TPH2: variants seen among roughly 807,000 people sequenced by gnomAD.
The protein encoded by TPH2 is tryptophan 5-hydroxylase 2.
A neutral mutation model predicts 59.1 loss-of-function variants in TPH2; 27 were observed. The ratio of observed to expected loss-of-function variants is 0.46; its 90% CI spans 0.34 to 0.63. TPH2 has a LOEUF of 0.63. Ranked by LOEUF, TPH2 falls within the 30% of genes least tolerant of loss-of-function variation. TPH2 has a pLI of 0.01. For missense variants in TPH2, 523 were observed against 588.3 expected, an observed-to-expected ratio of 0.89 and a Z score of 1.15; for synonymous variants, 220 against 210.5, an observed-to-expected ratio of 1.05 and a Z score of -0.39.
intron 8 of TPH2, among the ~76,000 whole-genome samples, chr12:71,996,245 C>T (rs7967686): frequency 0.52 from 79,297 of 152,102 alleles, 21,212 homozygotes; most frequent in Middle Eastern, 0.59. Context: ...CCACTGGCTT[C>T]CTCCACAAGT....
At position 71,978,956 on chromosome 12, in the gene TPH2, G is replaced by T; in HGVS notation, c.810G>T (p.Arg270Ser). ...CTTTTTCTGTTGCCTTTTTAGAAAG[G>T]TCTGGCTTCACGGTGAGGCCGGTGG... is the stretch of plus-strand genomic sequence containing the variant. ...LEDVSMFLKE[R>S]SGFTVRPVAG... is the part of the protein sequence containing the mutation. Residue 270 changes from arginine (R) to serine (S), a missense_variant, in exon 7 of 11, where the codon AGG (arginine) becomes AGT (serine). Physicochemically the swap from Arg to Ser is moderately radical, Grantham distance 110. Transcript: ENST00000333850. The T allele has an allele frequency of 9.9e-6, 16 of 1,614,108 alleles. No individual in the cohort carries two copies. The highest frequency in any genetic ancestry group is 1.4e-5 in the Non-Finnish European group (16 of 1,180,008).
chr12:72,008,242 A>G (rs1409249035), intron 8 of TPH2, among the ~76,000 whole-genome samples: 1 of 152,218 alleles, frequency 6.6e-6, no homozygotes, highest in South Asian at 2.1e-4. Flanking sequence ...TACTGGTAGA[A>G]TAGATGTTAA....
chr12:72,031,432 T>A lies in TPH2; in HGVS notation c.1298+41T>A, dbSNP rs751860637. The A allele has an allele frequency of 3.7e-6, 6 of 1,613,174 alleles. No homozygotes were observed. In the South Asian group the frequency reaches 4.4e-5, roughly 12 times the overall value. On this transcript the variant is annotated intron_variant, in intron 10 of 10. Transcript: ENST00000333850. ...CTCCTAGCTAGAGAAAATAACTTTT[T>A]ATTTTTCTGTCTCTATTCCTTCCTT... is the stretch of plus-strand genomic sequence containing the variant.
intron 5 of TPH2, chr12:71,964,834 T>A: frequency 1.5e-6 from 1 of 680,858 alleles, no homozygotes; most frequent in Non-Finnish European, 1.8e-6. Flanking sequence ...GTTTGTTACA[T>A]AGGTAAACAC....
intron 5 of TPH2, among the ~76,000 whole-genome samples, chr12:71,959,322 C>T (rs1871610126): frequency 6.6e-6 from 1 of 152,136 alleles, no homozygotes; most frequent in African/African-American, 2.4e-5. Context: ...AAGAAAGAGA[C>T]AGATGATCAG....
chr12:71,969,912 A>C (rs1229151224), intron 5 of TPH2, among the ~76,000 whole-genome samples: 1 of 152,328 alleles, frequency 6.6e-6, no homozygotes, highest in South Asian at 2.1e-4. Flanking sequence ...AGATAATAAC[A>C]GTATCTACCT....
At chr12:72,026,592 G>A (rs1032999038) in intron 9 of TPH2, among the ~76,000 whole-genome samples, 3 of 152,114 alleles carry the variant, frequency 2.0e-5, no homozygotes, top group African/African-American at 7.2e-5. Context: ...GAGCTCTCAC[G>A]TTTACCCTGT....
At chr12:72,020,782 C>T (rs74390290) in intron 8 of TPH2, among the ~76,000 whole-genome samples, 7 of 152,054 alleles carry the variant, frequency 4.6e-5, no homozygotes, top group East Asian at 1.9e-4. Context: ...TCACCACGCC[C>T]AGTCTAGGGC....
At position 71,978,974 on chromosome 12, in the gene TPH2, G is replaced by T. The variant is rs773797105; in HGVS notation, c.828G>T (p.Arg276Ser). 25 of 1,614,050 alleles carry T rather than the reference G, an allele frequency of 1.5e-5. No individual in the cohort carries two copies. Among genetic ancestry groups the T allele is most frequent in the Non-Finnish European group, 1.9e-5 (23 of 1,180,014 alleles). ...TAGAAAGGTCTGGCTTCACGGTGAG[G>T]CCGGTGGCTGGATACCTGAGCCCAC... is the stretch of plus-strand genomic sequence containing the variant. ...FLKERSGFTV[R>S]PVAGYLSPRD... Residue 276 changes from arginine (R) to serine (S), a missense_variant, in exon 7 of 11, where the codon AGG becomes AGT. Coordinates refer to ENST00000333850, the MANE Select transcript of TPH2 (RefSeq NM_173353.4).
intron 4 of TPH2, 48 bp from the exon 5 acceptor site, chr12:71,949,540 C>G: frequency 6.6e-7 from 1 of 1,517,952 alleles, no homozygotes; most frequent in Non-Finnish European, 9.1e-7. Context: ...TCTTCTGCAG[C>G]TAATTTTCAG....
At chr12:71,943,493 C>T (rs902950291) in intron 2 of TPH2, among the ~76,000 whole-genome samples, 1 of 152,240 alleles carries the variant, frequency 6.6e-6, no homozygotes, top group East Asian at 1.9e-4. Flanking sequence ...AATCACTGCC[C>T]TTATCTCTGA....
chr12:71,971,656 G>C (rs548946548), intron 5 of TPH2, among the ~76,000 whole-genome samples: 73 of 152,260 alleles, frequency 4.8e-4, no homozygotes, highest in African/African-American at 1.7e-3. Context: ...AACTCAAGTT[G>C]TGCCTCCTCC....
chr12:71,988,188 T>C (rs1488514135), intron 7 of TPH2, among the ~76,000 whole-genome samples: 2 of 152,122 alleles, frequency 1.3e-5, no homozygotes, highest in Non-Finnish European at 2.9e-5. Flanking sequence ...GGTATATGCT[T>C]TGGACTGTTG....
At position 71,978,988 on chromosome 12, in the gene TPH2, A is replaced by G. The variant is rs1872196172; in HGVS notation, c.842A>G (p.Tyr281Cys). ...TTCACGGTGAGGCCGGTGGCTGGAT[A>G]CCTGAGCCCACGAGACTTTCTGGCA... ...SGFTVRPVAG[Y>C]LSPRDFLAGL... Residue 281 changes from tyrosine to cysteine, a missense_variant, in exon 7 of 11, where the codon TAC (tyrosine) becomes TGC (cysteine). Physicochemically the swap from Tyr to Cys is radical, Grantham distance 194. Coordinates refer to ENST00000333850, the MANE Select transcript of TPH2 (RefSeq NM_173353.4). 6.2e-7 allele frequency: 1 copy of G among 1,613,944 alleles called. No homozygotes were observed. The highest frequency in any genetic ancestry group is 1.3e-5 in the African/African-American group (1 of 74,854).
chr12:72,032,174 G>T lies in TPH2; in HGVS notation c.*479G>T. 1 of 174,726 alleles carries T rather than the reference G, an allele frequency of 5.7e-6. No individual in the cohort carries two copies. Among genetic ancestry groups the T allele is most frequent in the Non-Finnish European group, 1.2e-5 (1 of 80,830 alleles). 10.8% of individuals were successfully genotyped at this position (174,726 alleles called of 1,614,324 possible). ...GGAAACTTCCCATCACAATAACAAAGGTTCAATATTCTATTTCAAAAATTG... is the reference window on the plus strand; with the variant it reads ...GGAAACTTCCCATCACAATAACAAATGTTCAATATTCTATTTCAAAAATTG... On this transcript the variant is annotated 3_prime_UTR_variant, in exon 11 of 11. Coordinates refer to ENST00000333850, the MANE Select transcript of TPH2 (RefSeq NM_173353.4).
intron 7 of TPH2, among the ~76,000 whole-genome samples, chr12:71,985,288 A>G (rs1302857521): frequency 7.2e-5 from 11 of 152,220 alleles, no homozygotes; most frequent in Admixed American, 7.2e-4. Flanking sequence ...GTAACACTAA[A>G]CAAAAATACT....
intron 4 of TPH2, 62 bp downstream of exon 4, chr12:71,944,748 C>A: frequency 7.0e-7 from 1 of 1,430,072 alleles, no homozygotes; most frequent in Non-Finnish European, 9.9e-7. Flanking sequence ...GTGCCAGGCA[C>A]TGTGCCATGT....
chr12:71,987,775 C>T (rs541679349), intron 7 of TPH2, among the ~76,000 whole-genome samples: 2 of 152,238 alleles, frequency 1.3e-5, no homozygotes, highest in South Asian at 2.1e-4. Context: ...TCGCTTGAAC[C>T]CGGGAGGCGG....
Position 72,031,699 on chromosome 12 carries a change from C to A in TPH2, c.*4C>A. 6.2e-7 allele frequency: 1 copy of A among 1,613,266 alleles called. No homozygotes were observed. The highest frequency in any genetic ancestry group is 1.1e-5 in the South Asian group (1 of 91,058). On this transcript the variant is annotated 3_prime_UTR_variant, in exon 11 of 11. Coordinates refer to ENST00000333850, the MANE Select transcript of TPH2 (RefSeq NM_173353.4). ...GAACCAATATCTGGGGATTTGATGC[C>A]TGGAACTATGTTGTTGCCAGCATGA...
Sources: gnomAD v4.1 joint callset for allele counts (sites outside exome capture counted in the v4.1 genomes callset) on GRCh38, gnomAD v4.1.1 for gene constraint, MANE v1.5 for transcripts, NCBI Gene and HGNC (gene_info 2026-07-23, HGNC 2026-07-21) for gene names.